The following TAFA5 variants were observed in gnomAD, a reference collection of about 807,000 sequenced individuals.
TAFA5 encodes the protein chemokine-like protein TAFA-5.
Under a neutral mutation model 15.3 loss-of-function variants are expected in TAFA5, and 6 were observed. That is an observed-to-expected ratio of 0.39 (90% confidence interval 0.21 to 0.77). TAFA5 has a LOEUF of 0.77. Ranked by LOEUF, TAFA5 falls within the 30% of genes least tolerant of loss-of-function variation. The pLI, the probability that TAFA5 is intolerant of heterozygous loss-of-function variation, is 0.41. For missense variants in TAFA5, 161 were observed against 193.1 expected (o/e 0.83, Z 0.98); for synonymous variants, 103 against 80.7 (o/e 1.28, Z -1.48).
At chr22:48,640,676 G>A (rs183017889) in intron 1 of TAFA5, among the ~76,000 whole-genome samples, 10 of 152,336 alleles carry the variant, frequency 6.6e-5, no homozygotes, top group Admixed American at 2.0e-4. Context: ...GATGGTGCCC[G>A]GCTCACACCT....
intron 1 of TAFA5, among the ~76,000 whole-genome samples, chr22:48,590,905 G>A (rs1924543817): frequency 6.6e-6 from 1 of 151,426 alleles, no homozygotes; most frequent in South Asian, 2.1e-4. Context: ...AGGCTGGAGT[G>A]CAAAGGCATG....
At chr22:48,745,931 G>T (rs959061226) in intron 3 of TAFA5, among the ~76,000 whole-genome samples, 1 of 152,212 alleles carries the variant, frequency 6.6e-6, no homozygotes, top group African/African-American at 2.4e-5. Context: ...CTGAGCTCCT[G>T]CGTGAGAGCG....
At chr22:48,561,925 G>A (rs1005643076) in intron 1 of TAFA5, among the ~76,000 whole-genome samples, 10 of 152,290 alleles carry the variant, frequency 6.6e-5, no homozygotes, top group South Asian at 4.2e-4. Context: ...GACCGTGGGC[G>A]GTGGCTCGGC....
In TAFA5 at chr22:48,556,772, G is replaced by C. The variant is rs1158203281; in HGVS notation, c.112+67068G>C. Among the ~76,000 whole-genome samples, 4 of 152,286 alleles carry C rather than the reference G, an allele frequency of 2.6e-5. No homozygotes were observed. The East Asian group carries it at 5.8e-4, about 22-fold the overall frequency. On this transcript the variant is annotated intron_variant, in intron 1 of 3. Transcript: ENST00000402357. ...GCTGTTCTCAGGGACACCCCCCTAG[G>C]CAGGGTCCCACCTGATCATGGCCTT...
intron 3 of TAFA5, among the ~76,000 whole-genome samples, chr22:48,713,773 C>T (rs974271887): frequency 3.3e-5 from 5 of 152,240 alleles, no homozygotes; most frequent in Admixed American, 2.6e-4. Context: ...GATCCTTGCC[C>T]CTGAGCTTCC....
chr22:48,540,530 G>A (rs991003116), intron 1 of TAFA5, among the ~76,000 whole-genome samples: 2 of 151,532 alleles, frequency 1.3e-5, no homozygotes, highest in African/African-American at 4.8e-5. Context: ...CCTCCGCCCC[G>A]GCAAAAAGGA....
chr22:48,740,617 G>A (rs758312839), intron 3 of TAFA5, among the ~76,000 whole-genome samples: 8 of 152,178 alleles, frequency 5.3e-5, no homozygotes, highest in South Asian at 2.1e-4. Context: ...GTCCAGCACC[G>A]TCACTGGCCC....
chr22:48,609,285 A>G (rs1925311444), intron 1 of TAFA5, among the ~76,000 whole-genome samples: 2 of 152,248 alleles, frequency 1.3e-5, no homozygotes, highest in Admixed American at 6.5e-5. Context: ...GGCAACATCC[A>G]GATGCCAAGG....
intron 1 of TAFA5, among the ~76,000 whole-genome samples, chr22:48,535,065 G>GCAGC (rs1346550845): frequency 6.6e-6 from 1 of 152,142 alleles, no homozygotes; most frequent in Non-Finnish European, 1.5e-5. Context: ...CCAGCCTTGG[G>GCAGC]CAGCCCCTCC....
chr22:48,559,148 C>T (rs1413766291), intron 1 of TAFA5, among the ~76,000 whole-genome samples: 2 of 152,210 alleles, frequency 1.3e-5, no homozygotes, highest in African/African-American at 2.4e-5. Flanking sequence ...AGTTGGGCTG[C>T]CCTTGACCTT....
In TAFA5 at chr22:48,521,795, GTGC is replaced by G. The variant is rs1183514062; in HGVS notation, c.112+32094_112+32096del. Among the ~76,000 whole-genome samples the G allele has an allele frequency of 3.9e-5, 6 of 152,306 alleles. No individual in the cohort carries two copies. In the East Asian group the frequency reaches 1.2e-3, roughly 29 times the overall value. On this transcript the variant is annotated intron_variant, in intron 1 of 3. Coordinates refer to ENST00000402357, the MANE Select transcript of TAFA5 (RefSeq NM_001082967.3). ...ATTAAAGCATCGTGCTCATCTGTGG[GTGC>G]TGTTGAGGTTCCTTAGCAGGGCTCT...
chr22:48,510,964 C>T (rs1035699675), intron 1 of TAFA5, among the ~76,000 whole-genome samples: 1 of 152,228 alleles, frequency 6.6e-6, no homozygotes, highest in Admixed American at 6.5e-5. Context: ...CCTTCCTTGA[C>T]ATGAGGGAGG....
At chr22:48,637,366 G>C in intron 1 of TAFA5, among the ~76,000 whole-genome samples, 1 of 152,264 alleles carries the variant, frequency 6.6e-6, no homozygotes, top group Non-Finnish European at 1.5e-5. Context: ...GGTGTGGCTG[G>C]TCTCCGCCCC....
chr22:48,682,743 G>A (rs567034602), intron 2 of TAFA5, among the ~76,000 whole-genome samples: 26 of 152,292 alleles, frequency 1.7e-4, no homozygotes, highest in Admixed American at 7.2e-4. Flanking sequence ...CTGAATTGAC[G>A]TGTGTCTGGA....
chr22:48,659,901 A>T (rs1330642202), intron 2 of TAFA5, among the ~76,000 whole-genome samples: 1 of 152,240 alleles, frequency 6.6e-6, no homozygotes, highest in East Asian at 1.9e-4. Context: ...TAACATAATG[A>T]AAAAGCCAGG....
At chr22:48,689,781 G>C (rs1195083521) in intron 2 of TAFA5, among the ~76,000 whole-genome samples, 1 of 152,178 alleles carries the variant, frequency 6.6e-6, no homozygotes, top group East Asian at 1.9e-4. Context: ...GGTATCATTG[G>C]CATAACAGGT....
chr22:48,749,818 C>CT, intron 3 of TAFA5, 21 bp from the exon 4 acceptor site: 1 of 1,561,164 alleles, frequency 6.4e-7, no homozygotes, highest in Non-Finnish European at 8.7e-7. Flanking sequence ...GGCTCACCCT[C>CT]TCTCTCTCTT....
chr22:48,522,715 G>A (rs371469515), intron 1 of TAFA5, among the ~76,000 whole-genome samples: 1 of 152,212 alleles, frequency 6.6e-6, no homozygotes, highest in African/African-American at 2.4e-5. Context: ...GCCTGCCTGG[G>A]GTTTTGTGGC....
chr22:48,584,396 CA>C (rs1406057032), intron 1 of TAFA5, among the ~76,000 whole-genome samples: 1 of 150,222 alleles, frequency 6.7e-6, no homozygotes, highest in Non-Finnish European at 1.5e-5. Flanking sequence ...CAGTACACAC[CA>C]CACACATAGA....
Sources: allele counts gnomAD v4.1 joint callset (sites outside exome capture counted in the v4.1 genomes callset), GRCh38; gene constraint gnomAD v4.1.1; transcripts MANE v1.5; gene names NCBI Gene and HGNC (gene_info 2026-07-23, HGNC 2026-07-21).